RNF122: variants seen among roughly 807,000 people sequenced by gnomAD.
RNF122 encodes ring finger protein 122.
RNF122 carries 17 observed loss-of-function variants against 24.2 expected under a neutral mutation model. That is an observed-to-expected ratio of 0.70 (90% confidence interval 0.48 to 1.06). The LOEUF (loss-of-function observed/expected upper bound fraction) is 1.06. Among genes scored for constraint, RNF122 ranks in the 50% least tolerant of loss-of-function variants. RNF122 has a pLI of 0.00. For missense variants in RNF122, 168 were observed against 198.1 expected (o/e 0.85, Z 0.91); for synonymous variants, 65 against 71.8 (o/e 0.91, Z 0.48).
chr8:33,562,382 A>T (rs1810552019), intron 1 of RNF122, among the ~76,000 whole-genome samples: 1 of 151,736 alleles, frequency 6.6e-6, no homozygotes, highest in Non-Finnish European at 1.5e-5. Context: ...ACAAATAATA[A>T]TAATGATAAA....
intron 1 of RNF122, among the ~76,000 whole-genome samples, chr8:33,564,880 T>TAA (rs1450325041): frequency 1.1e-4 from 17 of 150,312 alleles, no homozygotes; most frequent in African/African-American, 4.2e-4. Context: ...CTCAAAAAAA[T>TAA]AAAAAATAAA....
intron 2 of RNF122, among the ~76,000 whole-genome samples, chr8:33,554,093 G>A (rs2128839037): frequency 6.6e-6 from 1 of 152,322 alleles, no homozygotes; most frequent in African/African-American, 2.4e-5. Context: ...AAATGAGCAG[G>A]GCAGGACATA....
intron 2 of RNF122, among the ~76,000 whole-genome samples, chr8:33,556,179 CAAAAAAAAAA>C (rs538829399): frequency 2.9e-5 from 1 of 33,976 alleles, no homozygotes; most frequent in African/African-American, 1.0e-4. Context: ...GACCCTGTCT[CAAAAAAAAAA>C]AAAAAAAAAA....
rs1234019721 is a variant in RNF122 at position 33,553,802 on chromosome 8, T to C, written c.183-2413A>G. On this transcript the variant is annotated intron_variant, in intron 2 of 5. Coordinates refer to ENST00000256257, the MANE Select transcript of RNF122 (RefSeq NM_024787.3). ...AAGATCAGGCTGCCAGCCTCCTCCATTGTTCCTGATAGGAAGTCAGGTGTC... is the reference window on the plus strand; with the variant it reads ...AAGATCAGGCTGCCAGCCTCCTCCACTGTTCCTGATAGGAAGTCAGGTGTC... Among the ~76,000 whole-genome samples the C allele has an allele frequency of 2.6e-5, 4 of 152,136 alleles. No individual in the cohort carries two copies. In the East Asian group the frequency reaches 7.7e-4, roughly 29 times the overall value.
At chr8:33,566,369 C>A (rs1423637013) in intron 1 of RNF122, among the ~76,000 whole-genome samples, 1 of 152,198 alleles carries the variant, frequency 6.6e-6, no homozygotes. Flanking sequence ...CCAACAACCA[C>A]AACAAAGAAC....
intron 2 of RNF122, among the ~76,000 whole-genome samples, chr8:33,557,543 G>T (rs7834354): frequency 6.6e-6 from 1 of 151,498 alleles, no homozygotes; most frequent in Admixed American, 6.6e-5. Flanking sequence ...CAGGACAATC[G>T]CTTTAACCTA....
At chr8:33,552,717 G>A (rs543245515) in intron 2 of RNF122, among the ~76,000 whole-genome samples, 1 of 152,242 alleles carries the variant, frequency 6.6e-6, no homozygotes, top group South Asian at 2.1e-4. Flanking sequence ...TTTCAAGGAA[G>A]GGATGGAGGA....
At chr8:33,564,936 G>C (rs1377460111) in intron 1 of RNF122, among the ~76,000 whole-genome samples, 1 of 152,076 alleles carries the variant, frequency 6.6e-6, no homozygotes, top group African/African-American at 2.4e-5. Flanking sequence ...ATATGAAAGG[G>C]CGCTGCCCAG....
At chr8:33,555,567 CCTT>C (rs1355998443) in intron 2 of RNF122, among the ~76,000 whole-genome samples, 3 of 152,204 alleles carry the variant, frequency 2.0e-5, no homozygotes, top group Admixed American at 2.0e-4. Flanking sequence ...TCAAACCTGT[CCTT>C]CTGCAAGAAC....
intron 1 of RNF122, among the ~76,000 whole-genome samples, chr8:33,565,381 AT>A (rs33944286): frequency 6.6e-6 from 1 of 151,476 alleles, no homozygotes; most frequent in African/African-American, 2.4e-5. Flanking sequence ...CTAAAGAATG[AT>A]TTTTTTCCCC....
chr8:33,555,820 A>C (rs1431466216), intron 2 of RNF122, among the ~76,000 whole-genome samples: 1 of 152,114 alleles, frequency 6.6e-6, no homozygotes, highest in East Asian at 1.9e-4. Flanking sequence ...AAGCGAGCTA[A>C]ATGTTTTTTC....
chr8:33,551,240 GGC>G, intron 3 of RNF122, 102 bp downstream of exon 3: 1 of 1,508,430 alleles, frequency 6.6e-7, no homozygotes, highest in Non-Finnish European at 9.2e-7. Flanking sequence ...CCAGAGGTGA[GGC>G]CAGGGGGATT....
At chr8:33,551,514 C>A (rs538950198) in intron 2 of RNF122, 125 bp from the exon 3 acceptor site, 272 of 892,318 alleles carry the variant, frequency 3.0e-4, no homozygotes, top group Non-Finnish European at 4.7e-4. Context: ...ATACACACCA[C>A]AGGGCATACT....
intron 2 of RNF122, among the ~76,000 whole-genome samples, chr8:33,556,169 G>C (rs1392291089): frequency 3.0e-5 from 3 of 101,498 alleles, no homozygotes; most frequent in African/African-American, 1.3e-4. Context: ...AACAGAGCAA[G>C]ACCCTGTCTC....
intron 1 of RNF122, among the ~76,000 whole-genome samples, chr8:33,564,020 G>A (rs1405104092): frequency 6.6e-6 from 1 of 152,160 alleles, no homozygotes; most frequent in African/African-American, 2.4e-5. Flanking sequence ...GAGGTCGGTG[G>A]GAAGAGCATA....
At chr8:33,563,100 G>A (rs1355945782) in intron 1 of RNF122, among the ~76,000 whole-genome samples, 1 of 139,580 alleles carries the variant, frequency 7.2e-6, no homozygotes, top group East Asian at 2.0e-4. Context: ...GCGACAGAGT[G>A]AGACTCAAGA....
chr8:33,547,964 C>T lies in RNF122; in HGVS notation c.*789G>A, dbSNP rs1419100305. ...TGCTTAACCGTAGACACCCCCATCC[C>T]CACACCCCTTTTGATCAAAAAAAAA... On this transcript the variant is annotated 3_prime_UTR_variant, in exon 6 of 6. Transcript: ENST00000256257. The T allele has an allele frequency of 3.5e-5, 5 of 142,502 alleles. No homozygotes were observed. In the South Asian group the frequency reaches 9.2e-4, roughly 26 times the overall value. The allele number at this position is 142,502 out of a possible 1,614,324, so 8.8% of individuals were successfully genotyped here.
At position 33,562,391 on chromosome 8, in the gene RNF122, A is replaced by C. The variant is rs919719677; in HGVS notation, c.26-3620T>G. Reference sequence around the variant, plus strand: ...ACCTCTACAAATAATAATAATGATAAATTAGCTGGGTGTGGTGGTAAGTGC... The same window carrying C: ...ACCTCTACAAATAATAATAATGATACATTAGCTGGGTGTGGTGGTAAGTGC... On this transcript the variant is annotated intron_variant, in intron 1 of 5. Coordinates refer to ENST00000256257, the MANE Select transcript of RNF122 (RefSeq NM_024787.3). Among the ~76,000 whole-genome samples the C allele has an allele frequency of 2.0e-5, 3 of 151,738 alleles. No homozygotes were observed. In the East Asian group the frequency reaches 5.8e-4, roughly 29 times the overall value.
At chr8:33,554,752 T>G (rs1212441597) in intron 2 of RNF122, among the ~76,000 whole-genome samples, 3 of 152,198 alleles carry the variant, frequency 2.0e-5, no homozygotes, top group Non-Finnish European at 4.4e-5. Flanking sequence ...CTTTTCCCTT[T>G]TAGAACAAAC....
Sources: allele counts gnomAD v4.1 joint callset (sites outside exome capture counted in the v4.1 genomes callset), GRCh38; gene constraint gnomAD v4.1.1; transcripts MANE v1.5; gene names NCBI Gene and HGNC (gene_info 2026-07-23, HGNC 2026-07-21).